The following SLC30A7 variants were observed in gnomAD, a reference collection of about 807,000 sequenced individuals.
SLC30A7 encodes solute carrier family 30 member 7.
In SLC30A7, 35 loss-of-function variants were observed where a neutral mutation model predicts 46.0. That is an observed-to-expected ratio of 0.76 (90% CI 0.58 to 1.01). The LOEUF is 1.01. Ranked by LOEUF, SLC30A7 falls within the 50% of genes least tolerant of loss-of-function variation. The probability of loss-of-function intolerance (pLI) is 0.00; values close to 1 mark genes in which losing one functional copy is unlikely to be tolerated. For synonymous variants in SLC30A7, 147 were observed against 157.8 expected (o/e 0.93, Z 0.51); for missense variants, 464 against 451.1 (o/e 1.03, Z -0.26).
chr1:100,939,208 G>A (rs1318547806), intron 8 of SLC30A7, among the ~76,000 whole-genome samples: 1 of 152,024 alleles, frequency 6.6e-6, no homozygotes, highest in Non-Finnish European at 1.5e-5. Context: ...TTAAACAAGA[G>A]AAAGTATTTG....
At chr1:100,990,700 A>AT in the SLC30A7 span, 17 of 1,428,666 alleles carry the variant, frequency 1.2e-5, no homozygotes, top group Non-Finnish European at 1.6e-5. Context: ...TCAAACAAAC[A>AT]TTAGTACCAC....
intron 8 of SLC30A7, among the ~76,000 whole-genome samples, chr1:100,934,827 A>G (rs1250537301): frequency 6.6e-6 from 1 of 152,058 alleles, no homozygotes. Flanking sequence ...TGCTATTACT[A>G]CCTACAGACA....
intron 8 of SLC30A7, among the ~76,000 whole-genome samples, chr1:100,929,871 C>T (rs1653562660): frequency 6.6e-6 from 1 of 151,828 alleles, no homozygotes; most frequent in African/African-American, 2.4e-5. Flanking sequence ...AAATATGATT[C>T]CTATAAGAGC....
At chr1:100,983,316 AT>A (rs1657058743), downstream of SLC30A7, among the ~76,000 whole-genome samples, 1 of 145,632 alleles carries the variant, frequency 6.9e-6, no homozygotes, top group Admixed American at 7.3e-5. Flanking sequence ...AAGAAACAGC[AT>A]TTTAATGGGA....
chr1:100,985,843 A>C (rs368901763), downstream of SLC30A7, among the ~76,000 whole-genome samples: 27 of 152,372 alleles, frequency 1.8e-4, no homozygotes, highest in South Asian at 5.0e-3. Flanking sequence ...TCAAAATTTA[A>C]AACGTTTGCT....
At chr1:100,970,664 T>C (rs1388117089) in intron 10 of SLC30A7, among the ~76,000 whole-genome samples, 1 of 148,950 alleles carries the variant, frequency 6.7e-6, no homozygotes, top group Non-Finnish European at 1.5e-5. Flanking sequence ...AGTTTACCTT[T>C]TGTGTTTAGT....
At chr1:100,919,669 G>A (rs1652821847) in intron 7 of SLC30A7, among the ~76,000 whole-genome samples, 1 of 152,080 alleles carries the variant, frequency 6.6e-6, no homozygotes, top group African/African-American at 2.4e-5. Flanking sequence ...TTGGAGGAAA[G>A]GAAGTTAGAT....
At chr1:100,969,526 A>C (rs1254834029) in intron 10 of SLC30A7, among the ~76,000 whole-genome samples, 2 of 152,204 alleles carry the variant, frequency 1.3e-5, no homozygotes, top group Non-Finnish European at 2.9e-5. Context: ...GAACTCTTGA[A>C]GTTTTCATTC....
At chr1:100,995,170 T>G in the SLC30A7 span, 1 of 1,521,212 alleles carries the variant, frequency 6.6e-7, no homozygotes, top group Non-Finnish European at 9.1e-7. Context: ...TAAAAATAGT[T>G]CTTTTAATTT....
intron 9 of SLC30A7, among the ~76,000 whole-genome samples, chr1:100,963,147 T>TTA (rs1359360011): frequency 6.6e-6 from 1 of 152,090 alleles, no homozygotes; most frequent in Non-Finnish European, 1.5e-5. Context: ...CCAGAAAGAG[T>TTA]TATAAGTCAT....
Position 100,976,527 on chromosome 1 carries a change from T to A in SLC30A7, c.*1670T>A, listed in dbSNP as rs1191291162. 6.6e-6 allele frequency: 1 copy of A among 152,244 alleles called. No homozygotes were observed. The highest frequency in any genetic ancestry group is 1.5e-5 in the Non-Finnish European group (1 of 68,036). The allele number at this position is 152,244 out of a possible 1,614,324, so 9.4% of individuals were successfully genotyped here. On this transcript the variant is annotated 3_prime_UTR_variant, in exon 11 of 11. Coordinates refer to ENST00000357650, the MANE Select transcript of SLC30A7 (RefSeq NM_133496.5). ...GAGCACTCTACTTAAGTATTCTCTG[T>A]GTTTTATGAAGAGAAAATGATCTGA... is the stretch of plus-strand genomic sequence containing the variant.
At chr1:100,937,360 C>T (rs1570555071) in intron 8 of SLC30A7, among the ~76,000 whole-genome samples, 1 of 152,158 alleles carries the variant, frequency 6.6e-6, no homozygotes, top group East Asian at 1.9e-4. Context: ...ATGCTCTTTT[C>T]CATAGCTGCC....
Position 100,913,705 on chromosome 1 carries a change from A to G in SLC30A7, c.554A>G (p.Gln185Arg). ...SHSLFNGALD[Q>R]AHGHVDHCHS... ...TCCCTCTTTAATGGTGCTCTAGATCAGGCACATGGCCATGTCGATCATTGC... is the reference window on the plus strand; with the variant it reads ...TCCCTCTTTAATGGTGCTCTAGATCGGGCACATGGCCATGTCGATCATTGC... Residue 185 changes from glutamine (Q) to arginine (R), a missense_variant, in exon 6 of 11, where the codon CAG becomes CGG. Gln to Arg is a conservative substitution (Grantham distance 43, BLOSUM62 1). Coordinates refer to ENST00000357650, the MANE Select transcript of SLC30A7 (RefSeq NM_133496.5). The G allele has an allele frequency of 6.2e-7, 1 of 1,613,946 alleles. No homozygotes were observed. The highest frequency in any genetic ancestry group is 8.5e-7 in the Non-Finnish European group (1 of 1,179,840).
the SLC30A7 span, among the ~76,000 whole-genome samples, chr1:100,992,947 C>T: frequency 6.6e-6 from 1 of 152,178 alleles, no homozygotes; most frequent in African/African-American, 2.4e-5. Context: ...TAACTTTCCT[C>T]TGATCTCACT....
At chr1:100,992,582 A>G in the SLC30A7 span, 4 of 1,285,754 alleles carry the variant, frequency 3.1e-6, no homozygotes, top group Non-Finnish European at 4.5e-6. Context: ...TCATATACAC[A>G]TCTAAATGTA....
chr1:100,941,911 C>A, intron 8 of SLC30A7: 2 of 324,028 alleles, frequency 6.2e-6, no homozygotes, highest in South Asian at 7.4e-5. Context: ...AGATCTTCCT[C>A]AGCTTTGTTT....
chr1:100,948,158 A>G (rs1450314725), intron 8 of SLC30A7, among the ~76,000 whole-genome samples: 1 of 152,072 alleles, frequency 6.6e-6, no homozygotes, highest in African/African-American at 2.4e-5. Flanking sequence ...GGTCTTTACA[A>G]TTTGGCATGT....
Position 100,898,859 on chromosome 1 carries a change from T to C in SLC30A7, c.182+2188T>C, listed in dbSNP as rs568311108. ...GTATTAGTCAATTCCTTGTTGAATT[T>C]CATTCTGTAAAAATAAATTTCAACT... On this transcript the variant is annotated intron_variant, in intron 2 of 10. Transcript: ENST00000357650. 2.0e-5 allele frequency among the ~76,000 whole-genome samples: 3 copies of C among 152,346 alleles called. No individual in the cohort carries two copies. In the South Asian group the frequency reaches 6.2e-4, roughly 32 times the overall value.
chr1:100,924,789 C>T (rs1653184727), intron 8 of SLC30A7, among the ~76,000 whole-genome samples: 1 of 150,306 alleles, frequency 6.7e-6, no homozygotes, highest in South Asian at 2.1e-4. Context: ...TTACTTAGTT[C>T]TGTTCTCATT....
Sources: gnomAD v4.1 joint callset for allele counts (sites outside exome capture counted in the v4.1 genomes callset) on GRCh38, gnomAD v4.1.1 for gene constraint, MANE v1.5 for transcripts, NCBI Gene and HGNC (gene_info 2026-07-23, HGNC 2026-07-21) for gene names.